DSCAML1: variants seen among roughly 807,000 people sequenced by gnomAD.
DSCAML1 encodes the protein DS cell adhesion molecule like 1, also known as cell adhesion molecule DSCAML1.
Under a neutral mutation model 200.5 loss-of-function variants are expected in DSCAML1, and 38 were observed. That is an observed-to-expected ratio of 0.19 (90% CI 0.15 to 0.25). The LOEUF is 0.25. DSCAML1 is among the 10% of genes least tolerant of loss of function. The pLI, the probability that DSCAML1 is intolerant of heterozygous loss-of-function variation, is 1.00. For synonymous variants in DSCAML1, 1,215 were observed against 1,165.0 expected (o/e 1.04, Z -0.87); for missense variants, 2,223 against 2,858.8 (o/e 0.78, Z 5.07).
At chr11:117,696,822 C>T (rs2053594321) in intron 3 of DSCAML1, among the ~76,000 whole-genome samples, 1 of 152,214 alleles carries the variant, frequency 6.6e-6, no homozygotes, top group South Asian at 2.1e-4. Context: ...CTATTCAGCT[C>T]ACTTCCAACA....
intron 3 of DSCAML1, among the ~76,000 whole-genome samples, chr11:117,744,632 T>TG (rs1406596488): frequency 2.6e-5 from 4 of 152,210 alleles, no homozygotes; most frequent in African/African-American, 9.7e-5. Context: ...CCCCAGCCAC[T>TG]GGCCACCCCA....
intron 3 of DSCAML1, among the ~76,000 whole-genome samples, chr11:117,609,143 G>A (rs913893815): frequency 1.3e-5 from 2 of 151,608 alleles, no homozygotes; most frequent in Non-Finnish European, 2.9e-5. Flanking sequence ...ATGTTGCAGT[G>A]AGCCGAGATC....
intron 16 of DSCAML1, 30 bp from the exon 17 acceptor site, chr11:117,465,212 A>G: frequency 1.2e-6 from 2 of 1,608,122 alleles, no homozygotes; most frequent in Non-Finnish European, 1.7e-6. Context: ...GTGGGCACAA[A>G]GAAATGGCAA....
At chr11:117,652,045 C>T (rs1038104981) in intron 3 of DSCAML1, among the ~76,000 whole-genome samples, 13 of 152,224 alleles carry the variant, frequency 8.5e-5, no homozygotes, top group Non-Finnish European at 1.8e-4. Context: ...CTTGGCCTTG[C>T]CTCCTCCTTG....
At position 117,503,311 on chromosome 11, in the gene DSCAML1, G is replaced by C. The variant is rs1470809260; in HGVS notation, c.2359+534C>G. Among the ~76,000 whole-genome samples, 1 of 152,144 alleles carries C rather than the reference G, an allele frequency of 6.6e-6. No homozygotes were observed. Among genetic ancestry groups the C allele is most frequent in the Non-Finnish European group, 1.5e-5 (1 of 68,018 alleles). On this transcript the variant is annotated intron_variant, in intron 11 of 32. Coordinates refer to ENST00000651296, the MANE Select transcript of DSCAML1 (RefSeq NM_020693.4). The surrounding 1 kb of genome is among the most constrained non-coding windows in gnomAD (Gnocchi z 5.2). Reference sequence around the variant, plus strand: ...TTTGTGAGATCAGTGGGCTGGGAAGGGAACCCTCGTACAGGTGAGGAAACT... The same window carrying C: ...TTTGTGAGATCAGTGGGCTGGGAAGCGAACCCTCGTACAGGTGAGGAAACT...
At chr11:117,444,072 C>G (rs1442972379) in intron 20 of DSCAML1, 33 bp from the exon 21 acceptor site, 1 of 1,589,448 alleles carries the variant, frequency 6.3e-7, no homozygotes, top group Admixed American at 1.7e-5. Flanking sequence ...CTCTAAGAAG[C>G]AGAACTGGGG....
chr11:117,587,329 G>A (rs1270418682), intron 3 of DSCAML1, among the ~76,000 whole-genome samples: 3 of 151,226 alleles, frequency 2.0e-5, no homozygotes, highest in South Asian at 4.2e-4. Flanking sequence ...AAAGGTGAGT[G>A]ACCTGCACAA....
intron 3 of DSCAML1, among the ~76,000 whole-genome samples, chr11:117,734,612 T>G (rs1272513544): frequency 6.6e-6 from 1 of 152,202 alleles, no homozygotes; most frequent in Non-Finnish European, 1.5e-5. Flanking sequence ...TCTCTCCTGA[T>G]CTCTTCCGTA....
At chr11:117,465,312 A>G in intron 16 of DSCAML1, 130 bp from the exon 17 acceptor site, 1 of 1,306,990 alleles carries the variant, frequency 7.7e-7, no homozygotes, top group Non-Finnish European at 1.0e-6. Flanking sequence ...CTCAGAATGA[A>G]AGCCAAAGTC....
intron 3 of DSCAML1, among the ~76,000 whole-genome samples, chr11:117,766,391 G>T (rs1190012399): frequency 3.9e-5 from 6 of 152,222 alleles, no homozygotes; most frequent in Admixed American, 3.9e-4. Context: ...GATTGATTTT[G>T]ATGTGAACAC....
At chr11:117,467,196 T>C (rs11216409) in intron 16 of DSCAML1, among the ~76,000 whole-genome samples, 62,687 of 111,104 alleles carry the variant, frequency 0.56, 19,268 homozygotes, top group East Asian at 0.84. Context: ...CACACACACC[T>C]CCCCCCTCCC....
intron 1 of DSCAML1, among the ~76,000 whole-genome samples, chr11:117,806,964 TCA>T (rs1438777582): frequency 6.6e-6 from 1 of 152,250 alleles, no homozygotes; most frequent in African/African-American, 2.4e-5. Context: ...TTACATAATT[TCA>T]TCCATTGATC....
chr11:117,570,890 T>C (rs1198965590), intron 3 of DSCAML1, among the ~76,000 whole-genome samples: 1 of 152,232 alleles, frequency 6.6e-6, no homozygotes, highest in Non-Finnish European at 1.5e-5. Context: ...CCTTGTTCCT[T>C]TGAGGAGCTC....
intron 19 of DSCAML1, among the ~76,000 whole-genome samples, chr11:117,457,945 C>T (rs914873463): frequency 7.9e-5 from 12 of 152,336 alleles, no homozygotes; most frequent in East Asian, 3.9e-4. Flanking sequence ...CTTCTAGTAA[C>T]GGGGCACCCG....
chr11:117,441,061 C>G (rs2048036252), intron 21 of DSCAML1, among the ~76,000 whole-genome samples: 1 of 151,464 alleles, frequency 6.6e-6, no homozygotes. Context: ...AGAATGCAGG[C>G]TGGAGGTGAT....
chr11:117,694,924 G>A (rs2053562149), intron 3 of DSCAML1, among the ~76,000 whole-genome samples: 1 of 152,242 alleles, frequency 6.6e-6, no homozygotes, highest in Admixed American at 6.5e-5. Flanking sequence ...AAGTGCACTG[G>A]AGCCAGGCTG....
chr11:117,613,205 C>T (rs1565826532), intron 3 of DSCAML1, among the ~76,000 whole-genome samples: 1 of 152,002 alleles, frequency 6.6e-6, no homozygotes, highest in African/African-American at 2.4e-5. Context: ...TTCTGTGACT[C>T]CAAACAAACA....
At chr11:117,655,843 TG>T (rs1228116444) in intron 3 of DSCAML1, among the ~76,000 whole-genome samples, 2 of 152,212 alleles carry the variant, frequency 1.3e-5, no homozygotes, top group African/African-American at 4.8e-5. Flanking sequence ...CTGCCAAAAC[TG>T]GCTTGCCTTT....
At chr11:117,753,542 G>C (rs1408333044) in intron 3 of DSCAML1, among the ~76,000 whole-genome samples, 1 of 152,238 alleles carries the variant, frequency 6.6e-6, no homozygotes, top group African/African-American at 2.4e-5. Flanking sequence ...TAGTGTCTGA[G>C]CAGGGATAGC....
Sources: gnomAD v4.1 joint callset for allele counts (sites outside exome capture counted in the v4.1 genomes callset) on GRCh38, gnomAD v4.1.1 for gene constraint, Gnocchi (gnomAD v3.1) non-coding constraint, MANE v1.5 for transcripts, NCBI Gene and HGNC (gene_info 2026-07-23, HGNC 2026-07-21) for gene names.